The following TPH2 variants were observed in gnomAD, a reference collection of about 807,000 sequenced individuals.
The protein encoded by TPH2 is tryptophan hydroxylase 2.
TPH2 carries 27 observed loss-of-function variants against 59.1 expected under a neutral mutation model. The ratio of observed to expected loss-of-function variants is 0.46; its 90% CI spans 0.34 to 0.63. The LOEUF (loss-of-function observed/expected upper bound fraction) is 0.63. Ranked by LOEUF, TPH2 falls within the 30% of genes least tolerant of loss-of-function variation. TPH2 has a pLI of 0.01. For missense variants in TPH2, 523 were observed against 588.3 expected, an observed-to-expected ratio of 0.89 and a Z score of 1.15; for synonymous variants, 220 against 210.5, an observed-to-expected ratio of 1.05 and a Z score of -0.39.
intron 6 of TPH2, 115 bp from the exon 7 acceptor site, chr12:71,978,837 T>C: frequency 7.4e-7 from 1 of 1,353,090 alleles, no homozygotes; most frequent in Non-Finnish European, 1.1e-6. Flanking sequence ...TCAAGAGGTT[T>C]ATGACCTTGA....
intron 8 of TPH2, among the ~76,000 whole-genome samples, chr12:72,011,657 T>C (rs934150987): frequency 6.6e-6 from 1 of 152,178 alleles, no homozygotes; most frequent in African/African-American, 2.4e-5. Flanking sequence ...CCCCCTGACA[T>C]TTTTGGATGA....
chr12:71,962,042 A>C, intron 5 of TPH2: 2 of 1,031,190 alleles, frequency 1.9e-6, no homozygotes, highest in South Asian at 7.3e-5. Flanking sequence ...TGTGATCGCA[A>C]ATGCTCTTTA....
At chr12:71,967,134 G>A (rs980774820) in intron 5 of TPH2, among the ~76,000 whole-genome samples, 5 of 152,182 alleles carry the variant, frequency 3.3e-5, no homozygotes, top group Non-Finnish European at 7.3e-5. Flanking sequence ...AAATGTGTTT[G>A]TTAAACAACT....
intron 5 of TPH2, chr12:71,962,469 A>T: frequency 1.0e-6 from 1 of 985,372 alleles, no homozygotes; most frequent in Non-Finnish European, 1.2e-6. Context: ...GGGTCAGGAA[A>T]ACTGAATTGA....
At chr12:72,001,467 C>T (rs188865767) in intron 8 of TPH2, among the ~76,000 whole-genome samples, 3 of 151,824 alleles carry the variant, frequency 2.0e-5, no homozygotes, top group Admixed American at 6.6e-5. Context: ...CTCTCGTTGC[C>T]CAGGCCAAAG....
chr12:71,972,435 G>T, intron 5 of TPH2, 84 bp from the exon 6 acceptor site: 1 of 1,387,276 alleles, frequency 7.2e-7, no homozygotes, highest in South Asian at 1.2e-5. Flanking sequence ...GCCAGGGTCT[G>T]ACTTGTGATA....
At chr12:72,030,251 G>T (rs557191704) in intron 9 of TPH2, among the ~76,000 whole-genome samples, 3 of 152,160 alleles carry the variant, frequency 2.0e-5, no homozygotes, top group Admixed American at 6.5e-5. Context: ...TCAATATATA[G>T]TTCACAACCA....
chr12:71,993,441 C>T (rs991411642), intron 7 of TPH2, among the ~76,000 whole-genome samples: 2 of 152,134 alleles, frequency 1.3e-5, no homozygotes, highest in Non-Finnish European at 2.9e-5. Flanking sequence ...TCCCAGACAA[C>T]CATAGGGGAA....
intron 9 of TPH2, among the ~76,000 whole-genome samples, chr12:72,028,121 G>A (rs980609677): frequency 2.6e-5 from 4 of 152,114 alleles, no homozygotes; most frequent in Admixed American, 1.3e-4. Flanking sequence ...TGACTCTCAA[G>A]CATTCCTGTA....
chr12:72,012,705 G>A (rs192384804), intron 8 of TPH2, among the ~76,000 whole-genome samples: 1 of 152,332 alleles, frequency 6.6e-6, no homozygotes, highest in East Asian at 1.9e-4. Context: ...TTAAGTGTGG[G>A]CCAACTCCTT....
chr12:71,962,727 T>A (rs1177524104), intron 5 of TPH2: 13 of 961,714 alleles, frequency 1.4e-5, no homozygotes, highest in Non-Finnish European at 1.4e-5. Context: ...TTTTGTTTTG[T>A]TTTGTTTTGT....
In TPH2 at chr12:71,985,253, G is replaced by A. The variant is rs571269821; in HGVS notation, c.941+6166G>A. Among the ~76,000 whole-genome samples, 5 of 152,344 alleles carry A rather than the reference G, an allele frequency of 3.3e-5. No homozygotes were observed. In the South Asian group the frequency reaches 8.3e-4, roughly 25 times the overall value. On this transcript the variant is annotated intron_variant, in intron 7 of 10. Coordinates refer to ENST00000333850, the MANE Select transcript of TPH2 (RefSeq NM_173353.4). ...TTCAGGAGTAATGCCAGCACCTGTG[G>A]CCTTAGCCACTACTTTGTTAATCAG... is the stretch of plus-strand genomic sequence containing the variant.
At chr12:72,029,044 T>G (rs1873646576) in intron 9 of TPH2, among the ~76,000 whole-genome samples, 1 of 152,206 alleles carries the variant, frequency 6.6e-6, no homozygotes, top group African/African-American at 2.4e-5. Context: ...AATGATATTT[T>G]TTCCAAAACC....
intron 7 of TPH2, among the ~76,000 whole-genome samples, chr12:71,991,740 A>T (rs757738587): frequency 3.3e-5 from 5 of 152,178 alleles, no homozygotes; most frequent in Non-Finnish European, 7.3e-5. Context: ...AACTGAATCA[A>T]ATGCACATGG....
chr12:72,000,123 T>C (rs1006777139), intron 8 of TPH2, among the ~76,000 whole-genome samples: 3 of 152,184 alleles, frequency 2.0e-5, no homozygotes, highest in Non-Finnish European at 4.4e-5. Flanking sequence ...AAAAGCAGGA[T>C]GGTAAATCTA....
intron 6 of TPH2, among the ~76,000 whole-genome samples, chr12:71,973,616 G>T (rs770480138): frequency 2.6e-5 from 4 of 152,130 alleles, no homozygotes; most frequent in African/African-American, 9.7e-5. Flanking sequence ...GGCAACCAGC[G>T]ATCCATTCCA....
intron 5 of TPH2, chr12:71,961,421 C>A: frequency 4.2e-6 from 3 of 720,686 alleles, no homozygotes; most frequent in Non-Finnish European, 5.9e-6. Flanking sequence ...GTAGGATAAT[C>A]ACGCTTCTTC....
At chr12:72,015,597 A>G (rs556820018) in intron 8 of TPH2, among the ~76,000 whole-genome samples, 8 of 151,960 alleles carry the variant, frequency 5.3e-5, no homozygotes, top group East Asian at 3.9e-4. Context: ...GGGATTACAG[A>G]CGTGAGCCAC....
rs368485425 is a variant in TPH2 at position 71,972,522 on chromosome 12, T to C, written c.612T>C (p.Gly204=). ...TAGTTTCTTCTCTCCTGCCTAGTGG[T>C]CAGCCCATTCCCAGGGTGGAGTATA... ...FVDVAMGYKY[G]QPIPRVEYTE... is the part of the protein sequence containing the mutation. Residue 204 remains glycine (G), a synonymous_variant, in exon 6 of 11, where the codon GGT becomes GGC. Transcript: ENST00000333850. The C allele has an allele frequency of 4.3e-6, 7 of 1,614,184 alleles. No homozygotes were observed. Among genetic ancestry groups the C allele is most frequent in the Non-Finnish European group, 5.9e-6 (7 of 1,180,010 alleles).
Sources: gnomAD v4.1 joint callset for allele counts (sites outside exome capture counted in the v4.1 genomes callset) on GRCh38, gnomAD v4.1.1 for gene constraint, MANE v1.5 for transcripts, NCBI Gene and HGNC (gene_info 2026-07-23, HGNC 2026-07-21) for gene names.